CUL9: variants seen among roughly 807,000 people sequenced by gnomAD.
The protein encoded by CUL9 is cullin-9.
CUL9 carries 79 observed loss-of-function variants against 272.6 expected under a neutral mutation model. The ratio of observed to expected loss-of-function variants is 0.29; its 90% confidence interval spans 0.24 to 0.35. The LOEUF is 0.35. Among genes scored for constraint, CUL9 ranks in the 10% least tolerant of loss-of-function variants. The pLI, the probability that CUL9 is intolerant of heterozygous loss-of-function variation, is 1.00. For missense variants in CUL9, 2,532 were observed against 3,255.6 expected, an observed-to-expected ratio of 0.78 and a Z score of 5.41; for synonymous variants, 1,186 against 1,286.5, an observed-to-expected ratio of 0.92 and a Z score of 1.67.
At position 43,213,602 on chromosome 6, in the gene CUL9, C is replaced by T. The variant is rs948043763; in HGVS notation, c.5488+35C>T. ...TGGGGGCCGGGCTGAGCCTCTGCTG[C>T]TGGTCGGGGGGTCGCCCTCAAGATG... On this transcript the variant is annotated intron_variant, in intron 28 of 40. Coordinates refer to ENST00000252050, the MANE Select transcript of CUL9 (RefSeq NM_015089.4). This position sits in a 1 kb window ranked among gnomAD's most constrained non-coding sequence, Gnocchi z 5.7. The T allele has an allele frequency of 4.4e-6, 7 of 1,603,332 alleles. No individual in the cohort carries two copies. Among genetic ancestry groups the T allele is most frequent in the Non-Finnish European group, 6.0e-6 (7 of 1,173,736 alleles).
chr6:43,197,710 C>T (rs545397021), intron 11 of CUL9, among the ~76,000 whole-genome samples: 1 of 151,866 alleles, frequency 6.6e-6, no homozygotes, highest in African/African-American at 2.4e-5. Flanking sequence ...TTTTGAACTC[C>T]TGACCTCGTG....
intron 29 of CUL9, among the ~76,000 whole-genome samples, chr6:43,214,642 A>C (rs1775785087): frequency 6.6e-6 from 1 of 152,064 alleles, no homozygotes; most frequent in Non-Finnish European, 1.5e-5. Context: ...CTCTACTAAA[A>C]ATACAAAAAT....
At chr6:43,205,198 G>A (rs368187944) in intron 23 of CUL9, 65 bp from the exon 24 acceptor site, 11 of 1,590,558 alleles carry the variant, frequency 6.9e-6, no homozygotes, top group Non-Finnish European at 9.5e-6. Context: ...ACCTCCTTTC[G>A]CTCCCCAGTC....
At chr6:43,193,277 A>AG (rs1360975369) in intron 9 of CUL9, 69 bp downstream of exon 9, 2 of 1,437,518 alleles carry the variant, frequency 1.4e-6, no homozygotes, top group Non-Finnish European at 1.9e-6. Flanking sequence ...ACTGATCTTG[A>AG]GGGGGTACTT....
In CUL9 at chr6:43,199,812, C is replaced by T. The variant is rs188489955; in HGVS notation, c.3157-117C>T. 62 of 797,738 alleles carry T rather than the reference C, an allele frequency of 7.8e-5. No individual in the cohort carries two copies. In the East Asian group the frequency reaches 1.3e-3, roughly 16 times the overall value. 49.4% of individuals were successfully genotyped at this position (797,738 alleles called of 1,614,324 possible). A position where few individuals can be genotyped will look rare whatever the true frequency, so the allele number is the denominator to read the frequency against. ...AATTTGGTACTCTTGTTTCCCTGGGCGTTGGCATGTCTCCACAATCTCAGC... is the reference window on the plus strand; with the variant it reads ...AATTTGGTACTCTTGTTTCCCTGGGTGTTGGCATGTCTCCACAATCTCAGC... On this transcript the variant is annotated intron_variant, in intron 13 of 40. Coordinates refer to ENST00000252050, the MANE Select transcript of CUL9 (RefSeq NM_015089.4). This position sits in a 1 kb window ranked among gnomAD's most constrained non-coding sequence, Gnocchi z 4.4.
Position 43,205,401 on chromosome 6 carries a change from A to G in CUL9, c.4771A>G (p.Thr1591Ala), listed in dbSNP as rs1461968728. ...IMVLSGLELATTFEHFYQHYM... is the reference protein window; with the variant it reads ...IMVLSGLELAATFEHFYQHYM... Reference sequence around the variant, plus strand: ...GGTCCTTTCTGGTCTGGAACTGGCCACAACTTTTGAGCACTTCTATCAGTG... The same window carrying G: ...GGTCCTTTCTGGTCTGGAACTGGCCGCAACTTTTGAGCACTTCTATCAGTG... The change falls in exon 24 of 41, where the codon ACA becomes GCA. Residue 1591 changes from threonine (T) to alanine (A), a missense_variant. Physicochemically the swap from Thr to Ala is moderately conservative, Grantham distance 58. Transcript: ENST00000252050. The G allele has an allele frequency of 1.2e-6, 2 of 1,614,006 alleles. No individual in the cohort carries two copies. The highest frequency in any genetic ancestry group is 3.3e-5 in the Admixed American group (2 of 59,998).
Position 43,184,977 on chromosome 6 carries a change from T to C in CUL9, c.595+72T>C. 3.2e-5 allele frequency: 34 copies of C among 1,057,192 alleles called. No homozygotes were observed. The highest frequency in any genetic ancestry group is 3.8e-5 in the Non-Finnish European group (28 of 742,844). The allele number at this position is 1,057,192 out of a possible 1,614,324, so 65.5% of individuals were successfully genotyped here. On this transcript the variant is annotated intron_variant, in intron 2 of 40. Coordinates refer to ENST00000252050, the MANE Select transcript of CUL9 (RefSeq NM_015089.4). This position sits in a 1 kb window ranked among gnomAD's most constrained non-coding sequence, Gnocchi z 4.8. Reference sequence around the variant, plus strand: ...CACAGGGAATAAGAAAGAGGAGAGATTTCCTAGCTCTGTAAGAACACCTAG... The same window carrying C: ...CACAGGGAATAAGAAAGAGGAGAGACTTCCTAGCTCTGTAAGAACACCTAG...
chr6:43,222,083 C>A, intron 35 of CUL9: 4 of 599,558 alleles, frequency 6.7e-6, no homozygotes, highest in Non-Finnish European at 1.2e-5. Context: ...GCATTTAGAG[C>A]CTGGCTCTGC....
chr6:43,215,087 G>C lies in CUL9; in HGVS notation c.5697G>C (p.Glu1899Asp). Reference sequence around the variant, plus strand: ...TCTTTCCTCCTATCCAGGTGCTGGAGGCCTGGCAGAAGGGTCCAAATCCTC... The same window carrying C: ...TCTTTCCTCCTATCCAGGTGCTGGACGCCTGGCAGAAGGGTCCAAATCCTC... ...HIDQLVCLVL[E>D]AWQKGPNPPG... Residue 1899 changes from glutamate to aspartate, a missense_variant, in exon 30 of 41, where the codon GAG (glutamate) becomes GAC (aspartate). By Grantham distance (45) the Glu-to-Asp change is conservative. Coordinates refer to ENST00000252050, the MANE Select transcript of CUL9 (RefSeq NM_015089.4). The C allele has an allele frequency of 6.2e-7, 1 of 1,603,590 alleles. No individual in the cohort carries two copies. The highest frequency in any genetic ancestry group is 8.5e-7 in the Non-Finnish European group (1 of 1,173,108).
rs760970056 is a variant in CUL9 at position 43,200,778 on chromosome 6, C to T, written c.3591C>T (p.Asn1197=). 158 of 1,614,100 alleles carry T rather than the reference C, an allele frequency of 9.8e-5. No homozygotes were observed. The highest frequency in any genetic ancestry group is 1.3e-4 in the Non-Finnish European group (148 of 1,180,050). ...DHNPKTYWES[N]GSTGSHYITL... ...ACCCCAAGACCTACTGGGAGTCCAA[C>T]GGCAGCACCGGCTCCCACTACATCA... The change falls in exon 16 of 41, where the codon AAC becomes AAT. Residue 1197 remains asparagine (N), a synonymous_variant. Transcript: ENST00000252050. This position sits in a 1 kb window ranked among gnomAD's most constrained non-coding sequence, Gnocchi z 4.0.
intron 11 of CUL9, 68 bp downstream of exon 11, chr6:43,196,930 C>G: frequency 7.7e-7 from 1 of 1,307,006 alleles, no homozygotes. Flanking sequence ...ATATCAGCTC[C>G]TTACTGGAAA....
rs1333281907 is a variant in CUL9 at position 43,188,041 on chromosome 6, G to A, written c.1910G>A (p.Ser637Asn). 6.2e-7 allele frequency: 1 copy of A among 1,613,716 alleles called. No homozygotes were observed. Among genetic ancestry groups the A allele is most frequent in the African/African-American group, 1.3e-5 (1 of 74,852 alleles). Reference sequence around the variant, plus strand: ...AGGACCGAGACCCCCATGGCACAGAGTGATTCTCAGCTGTTTAACCAGCTT... The same window carrying A: ...AGGACCGAGACCCCCATGGCACAGAATGATTCTCAGCTGTTTAACCAGCTT... ...KTRTETPMAQ[S>N]DSQLFNQLLV... Residue 637 changes from serine (S) to asparagine (N), a missense_variant, in exon 7 of 41, where the codon AGT becomes AAT. Around this residue, in one of 3 missense-constraint regions of CUL9, gnomAD observed 2,218 missense variants for 2,788.6 expected, o/e 0.80. Transcript: ENST00000252050.
chr6:43,182,572 A>G (rs1369277576), intron 1 of CUL9, among the ~76,000 whole-genome samples: 3 of 150,380 alleles, frequency 2.0e-5, no homozygotes, highest in Non-Finnish European at 4.4e-5. Context: ...CCGACGTTAC[A>G]CCTCCTACCT....
chr6:43,182,495 A>G lies in CUL9; in HGVS notation c.-10+246A>G, dbSNP rs941275185. Among the ~76,000 whole-genome samples the G allele has an allele frequency of 2.1e-5, 3 of 139,898 alleles. No individual in the cohort carries two copies. In the Admixed American group the frequency reaches 2.4e-4, roughly 11 times the overall value. The allele number at this position is 139,898 out of a possible 152,430, so 91.8% of individuals were successfully genotyped here. A position where few individuals can be genotyped will look rare whatever the true frequency, so the allele number is the denominator to read the frequency against. On this transcript the variant is annotated intron_variant, in intron 1 of 40. Coordinates refer to ENST00000252050, the MANE Select transcript of CUL9 (RefSeq NM_015089.4). ...CTGCAAGCTTGGGCTTGACCTTGCT[A>G]TCTGCTGGTCTCATCCATGCGTCCA...
chr6:43,208,467 A>G (rs1775215785), intron 26 of CUL9, among the ~76,000 whole-genome samples: 1 of 152,214 alleles, frequency 6.6e-6, no homozygotes, highest in Admixed American at 6.5e-5. Flanking sequence ...TGGCCTCTCA[A>G]ATTGCTGGGA....
In CUL9 at chr6:43,223,985, A is replaced by G; in HGVS notation, c.7285-110A>G. The G allele has an allele frequency of 1.0e-6, 1 of 980,330 alleles. No homozygotes were observed. 60.7% of individuals were successfully genotyped at this position (980,330 alleles called of 1,614,324 possible). A position where few individuals can be genotyped will look rare whatever the true frequency, so the allele number is the denominator to read the frequency against. ...TCATGAAGTGCTGTGCTGGGAGGGG[A>G]GCAGTCCTAGCAGGAGCTTGGCCCT... is the stretch of plus-strand genomic sequence containing the variant. On this transcript the variant is annotated intron_variant, in intron 39 of 40. Coordinates refer to ENST00000252050, the MANE Select transcript of CUL9 (RefSeq NM_015089.4). The surrounding 1 kb of genome is among the most constrained non-coding windows in gnomAD (Gnocchi z 4.1).
chr6:43,210,917 T>C (rs1409877876), intron 26 of CUL9, among the ~76,000 whole-genome samples: 5 of 152,186 alleles, frequency 3.3e-5, no homozygotes, highest in South Asian at 2.1e-4. Flanking sequence ...TTTGGATTGA[T>C]TGATTGTTTT....
rs1286563792 is a variant in CUL9 at position 43,188,562 on chromosome 6, C to G, written c.2027C>G (p.Ser676Cys). 6.2e-7 allele frequency: 1 copy of G among 1,613,726 alleles called. No homozygotes were observed. The highest frequency in any genetic ancestry group is 2.2e-5 in the East Asian group (1 of 44,894). Residue 676 changes from serine to cysteine, a missense_variant, in exon 8 of 41, where the codon TCC becomes TGC. This residue lies in a region of CUL9 where 2,218 missense variants were observed against 2,788.6 expected (regional missense o/e 0.80). Transcript: ENST00000252050. ...TTGCGGGGTCCCGGTCCTCGCAGCT[C>G]CCTGGATCAGCATGTGGCAGCGGTC... ...RALRGPGPRS[S>C]LDQHVAAVVA... is the part of the protein sequence containing the mutation.
In CUL9 at chr6:43,184,271, A is replaced by T; in HGVS notation, c.-9-31A>T. On this transcript the variant is annotated intron_variant, in intron 1 of 40. Transcript: ENST00000252050. The surrounding 1 kb of genome is among the most constrained non-coding windows in gnomAD (Gnocchi z 4.8). ...CCATGTATTTTTTTTCTTTTCTCAT[A>T]CTGCCTTATCTTTCTCCTTGTGTAT... is the stretch of plus-strand genomic sequence containing the variant. 1 of 1,376,352 alleles carries T rather than the reference A, an allele frequency of 7.3e-7. No individual in the cohort carries two copies. Among genetic ancestry groups the T allele is most frequent in the African/African-American group, 1.5e-5 (1 of 68,170 alleles). The allele number at this position is 1,376,352 out of a possible 1,614,324, so 85.3% of individuals were successfully genotyped here.
Sources: allele counts gnomAD v4.1 joint callset (sites outside exome capture counted in the v4.1 genomes callset), GRCh38; gene constraint gnomAD v4.1.1; regional missense constraint gnomAD v4.1.1; non-coding constraint Gnocchi (gnomAD v3.1); transcripts MANE v1.5; gene names NCBI Gene and HGNC (gene_info 2026-07-23, HGNC 2026-07-21).